The following CYREN variants were observed in gnomAD, a reference collection of about 807,000 sequenced individuals.
CYREN encodes cell cycle regulator of non-homologous end joining.
In CYREN, 7 loss-of-function variants were observed where a neutral mutation model predicts 9.7. That is an observed-to-expected ratio of 0.72 (90% CI 0.41 to 1.36). CYREN has a LOEUF of 1.36. Ranked by LOEUF, CYREN falls within the 40% of genes most tolerant of loss-of-function variation. The pLI is 0.01. For synonymous variants in CYREN, 76 were observed against 77.9 expected (o/e 0.98, Z 0.13); for missense variants, 215 against 198.1 (o/e 1.09, Z -0.51).
intron 2 of CYREN, among the ~76,000 whole-genome samples, chr7:135,110,817 C>G (rs565663144): frequency 6.6e-6 from 1 of 152,304 alleles, no homozygotes; most frequent in East Asian, 1.9e-4. Context: ...CCTTAAAACT[C>G]GTTTTGCCTC....
intron 2 of CYREN, among the ~76,000 whole-genome samples, chr7:135,101,890 G>A (rs1021905750): frequency 3.3e-5 from 5 of 152,048 alleles, no homozygotes; most frequent in Admixed American, 6.6e-5. Context: ...TCATGGAGGC[G>A]GCGTCCCCCA....
intron 2 of CYREN, among the ~76,000 whole-genome samples, chr7:135,115,180 GCTTTA>G (rs1826153798): frequency 6.6e-6 from 1 of 151,988 alleles, no homozygotes; most frequent in South Asian, 2.1e-4. Flanking sequence ...CCCCTCCGCA[GCTTTA>G]CTTTATCCCG....
chr7:135,095,556 C>G (rs1375608227), intron 2 of CYREN, among the ~76,000 whole-genome samples: 1 of 152,158 alleles, frequency 6.6e-6, no homozygotes, highest in African/African-American at 2.4e-5. Flanking sequence ...TACCCACTGT[C>G]CTGTGACCAA....
At chr7:135,153,456 C>CAAAAAAAA in intron 2 of CYREN, among the ~76,000 whole-genome samples, 1 of 81,346 alleles carries the variant, frequency 1.2e-5, no homozygotes. Context: ...TCCATCTCCA[C>CAAAAAAAA]AAAAAAAAAA....
chr7:135,122,504 C>G (rs1421005720), intron 2 of CYREN, among the ~76,000 whole-genome samples: 2 of 152,178 alleles, frequency 1.3e-5, no homozygotes, highest in African/African-American at 4.8e-5. Context: ...GGGTTTCCCC[C>G]CAGCGAAGCA....
chr7:135,133,017 T>C (rs1021734122), intron 2 of CYREN, among the ~76,000 whole-genome samples: 5 of 152,130 alleles, frequency 3.3e-5, no homozygotes, highest in African/African-American at 1.2e-4. Flanking sequence ...TGTTATTCTC[T>C]ATGTAGAAAA....
intron 2 of CYREN, among the ~76,000 whole-genome samples, chr7:135,132,256 C>A (rs1460726312): frequency 6.6e-6 from 1 of 151,988 alleles, no homozygotes; most frequent in Non-Finnish European, 1.5e-5. Flanking sequence ...ATTTAACAAG[C>A]TAAATCTAAC....
rs1020723194 is a variant in CYREN at position 135,151,235 on chromosome 7, C to T, written n.356+17514G>A. On this transcript the variant is annotated intron_variant and non_coding_transcript_variant, in intron 2 of 2. Coordinates refer to the CYREN transcript ENST00000459937. This position sits in a 1 kb window ranked among gnomAD's most constrained non-coding sequence, Gnocchi z 4.3. Reference sequence around the variant, plus strand: ...AGAAAACACTGGTGAAATCCAGGAGCTGCCACCACCTACACACTGTTGAAA... The same window carrying T: ...AGAAAACACTGGTGAAATCCAGGAGTTGCCACCACCTACACACTGTTGAAA... 1.3e-5 allele frequency among the ~76,000 whole-genome samples: 2 copies of T among 152,194 alleles called. No homozygotes were observed. The highest frequency in any genetic ancestry group is 2.9e-5 in the Non-Finnish European group (2 of 68,032).
intron 2 of CYREN, among the ~76,000 whole-genome samples, chr7:135,158,595 C>T (rs1295427016): frequency 6.6e-6 from 1 of 152,158 alleles, no homozygotes; most frequent in Non-Finnish European, 1.5e-5. Flanking sequence ...GCTACAGCCT[C>T]ATCAGCCCAA....
chr7:135,112,933 T>G (rs1825843779), intron 2 of CYREN, among the ~76,000 whole-genome samples: 1 of 152,108 alleles, frequency 6.6e-6, no homozygotes. Flanking sequence ...CTCGCCACCA[T>G]GCCGACTTAA....
chr7:135,103,172 C>A (rs1044603565), intron 2 of CYREN, among the ~76,000 whole-genome samples: 12 of 152,054 alleles, frequency 7.9e-5, no homozygotes, highest in Non-Finnish European at 1.6e-4. Flanking sequence ...TTCTTTGGAA[C>A]GTGCTTCACC....
chr7:135,095,837 G>T (rs1461126168), intron 2 of CYREN, among the ~76,000 whole-genome samples: 1 of 152,116 alleles, frequency 6.6e-6, no homozygotes, highest in Non-Finnish European at 1.5e-5. Flanking sequence ...ACTTAAGTGT[G>T]TTGCAATCTG....
downstream of CYREN, chr7:135,165,014 G>T (rs375469494): frequency 3.7e-5 from 58 of 1,558,898 alleles, no homozygotes; most frequent in Non-Finnish European, 4.9e-5. Context: ...TTACGTGATT[G>T]CAAGGGTTCA....
chr7:135,158,042 G>A (rs1334264256), intron 2 of CYREN, among the ~76,000 whole-genome samples: 1 of 152,054 alleles, frequency 6.6e-6, no homozygotes, highest in Non-Finnish European at 1.5e-5. Flanking sequence ...GTATGTGCGG[G>A]AGAGCATAGA....
intron 2 of CYREN, chr7:135,128,502 T>A: frequency 1.3e-6 from 1 of 758,006 alleles, no homozygotes; most frequent in South Asian, 1.3e-5. Flanking sequence ...GTATTTACGA[T>A]GGAGATGAAT....
chr7:135,139,760 G>A (rs1221505126), intron 2 of CYREN, among the ~76,000 whole-genome samples: 1 of 152,044 alleles, frequency 6.6e-6, no homozygotes, highest in Non-Finnish European at 1.5e-5. Context: ...ATGGTGAAAG[G>A]AAGGGGTCCA....
At chr7:135,103,340 G>A (rs577351218) in intron 2 of CYREN, among the ~76,000 whole-genome samples, 7 of 152,038 alleles carry the variant, frequency 4.6e-5, no homozygotes, top group African/African-American at 1.7e-4. Context: ...CTCTATATTC[G>A]GGAATATAGA....
At chr7:135,135,104 A>G (rs1829281999) in intron 2 of CYREN, 5 of 1,551,178 alleles carry the variant, frequency 3.2e-6, no homozygotes, top group Non-Finnish European at 3.5e-6. Flanking sequence ...TTTGGAATGG[A>G]TGCAAATGTT....
At chr7:135,168,507 T>C (rs1282623992) in intron 2 of CYREN, 2 of 487,038 alleles carry the variant, frequency 4.1e-6, no homozygotes, top group East Asian at 6.8e-5. Context: ...TCTGGACAAC[T>C]GGCATCAGAG....
Sources: allele counts gnomAD v4.1 joint callset (sites outside exome capture counted in the v4.1 genomes callset), GRCh38; gene constraint gnomAD v4.1.1; non-coding constraint Gnocchi (gnomAD v3.1); transcripts MANE v1.5; gene names NCBI Gene and HGNC (gene_info 2026-07-23, HGNC 2026-07-21).